The following RASGRF1 variants were observed in gnomAD, a reference collection of about 807,000 sequenced individuals.
RASGRF1 encodes the protein Ras protein specific guanine nucleotide releasing factor 1.
RASGRF1 carries 40 observed loss-of-function variants against 138.7 expected under a neutral mutation model. That is an observed-to-expected ratio of 0.29 (90% CI 0.22 to 0.38). The LOEUF is 0.38. Among genes scored for constraint, RASGRF1 ranks in the 10% least tolerant of loss-of-function variants. RASGRF1 has a pLI of 1.00. For missense variants in RASGRF1, 1,108 were observed against 1,650.4 expected (o/e 0.67, Z 5.69); for synonymous variants, 614 against 663.2 (o/e 0.93, Z 1.14).
In RASGRF1 at chr15:79,035,325, C is replaced by A. The variant is rs1165269294; in HGVS notation, c.879-115G>T. On this transcript the variant is annotated intron_variant, in intron 5 of 26. Coordinates refer to ENST00000558480, the MANE Select transcript of RASGRF1 (RefSeq NM_001145648.3). ...CAGCGAACCCTTTTCTCATGTGAGA[C>A]CTTAACGTGAAAACTGCACCGGCAG... The A allele has an allele frequency of 1.3e-5, 10 of 781,326 alleles. No individual in the cohort carries two copies. The South Asian group carries it at 1.9e-4, about 15-fold the overall frequency. 48.4% of individuals were successfully genotyped at this position (781,326 alleles called of 1,614,324 possible).
At chr15:78,988,271 C>T (rs1206343673) in intron 22 of RASGRF1, among the ~76,000 whole-genome samples, 1 of 152,208 alleles carries the variant, frequency 6.6e-6, no homozygotes, top group East Asian at 1.9e-4. Flanking sequence ...GGGGTGAACA[C>T]TCAGTGAATG....
At chr15:79,022,069 C>G (rs2056968843) in intron 10 of RASGRF1, among the ~76,000 whole-genome samples, 1 of 152,156 alleles carries the variant, frequency 6.6e-6, no homozygotes, top group African/African-American at 2.4e-5. Flanking sequence ...CTGAGGTCAC[C>G]TACTGGTGGG....
At chr15:79,054,139 G>A (rs2057475978) in intron 3 of RASGRF1, among the ~76,000 whole-genome samples, 1 of 152,334 alleles carries the variant, frequency 6.6e-6, no homozygotes, top group Non-Finnish European at 1.5e-5. Flanking sequence ...ATGGCCAATG[G>A]CCAATGGTAG....
At chr15:79,065,389 C>A (rs1374800452) in intron 1 of RASGRF1, among the ~76,000 whole-genome samples, 2 of 151,422 alleles carry the variant, frequency 1.3e-5, no homozygotes, top group East Asian at 1.9e-4. Context: ...GGGGAGGGGG[C>A]TGTACAGGGA....
chr15:78,964,204 C>T (rs1457868834), intron 26 of RASGRF1, among the ~76,000 whole-genome samples: 3 of 151,230 alleles, frequency 2.0e-5, no homozygotes, highest in Non-Finnish European at 4.4e-5. Context: ...GGGGGAATTT[C>T]ATTCTTGTCA....
At chr15:79,063,919 C>T (rs1441979198) in intron 2 of RASGRF1, among the ~76,000 whole-genome samples, 1 of 152,156 alleles carries the variant, frequency 6.6e-6, no homozygotes, top group Non-Finnish European at 1.5e-5. Flanking sequence ...CCCAGGGAGT[C>T]TCCCTACAGG....
intron 10 of RASGRF1, among the ~76,000 whole-genome samples, chr15:79,022,903 G>A (rs553935353): frequency 1.3e-5 from 2 of 152,270 alleles, no homozygotes; most frequent in African/African-American, 4.8e-5. Flanking sequence ...GGCCGGGCGC[G>A]GTGGCTCACG....
intron 24 of RASGRF1, among the ~76,000 whole-genome samples, chr15:78,975,512 TTTC>T (rs1363115363): frequency 7.4e-6 from 1 of 135,690 alleles, no homozygotes; most frequent in South Asian, 2.3e-4. Context: ...TTCCTTTCTT[TTTC>T]TTTTTTTTTT....
At chr15:79,043,019 T>A (rs1385890952) in intron 5 of RASGRF1, among the ~76,000 whole-genome samples, 2 of 152,162 alleles carry the variant, frequency 1.3e-5, no homozygotes, top group Non-Finnish European at 2.9e-5. Context: ...TCCTGACCCC[T>A]GGGGAAGGAA....
At chr15:79,021,310 A>G (rs2056957776) in intron 10 of RASGRF1, among the ~76,000 whole-genome samples, 2 of 152,224 alleles carry the variant, frequency 1.3e-5, no homozygotes, top group African/African-American at 4.8e-5. Context: ...CCATGTGACT[A>G]ATCTATATAT....
At chr15:79,083,904 G>C (rs1317902157) in intron 1 of RASGRF1, among the ~76,000 whole-genome samples, 1 of 152,132 alleles carries the variant, frequency 6.6e-6, no homozygotes, top group Admixed American at 6.5e-5. Flanking sequence ...CTCAATAAAT[G>C]GTATTTATTG....
At chr15:78,968,249 G>GGTGTGTGTGTGTGTGTGT in intron 26 of RASGRF1, among the ~76,000 whole-genome samples, 1 of 32,984 alleles carries the variant, frequency 3.0e-5, no homozygotes, top group East Asian at 4.8e-4. Flanking sequence ...TCATGACACT[G>GGTGTGTGTGTGTGTGTGT]ATGTGTGTGT....
chr15:78,961,963 G>T lies in RASGRF1; in HGVS notation c.*181C>A. ...AGGAGACGAGGGGAGGGATGGGTGG[G>T]CGAAGTCTGAAACGGTGCAGAAATT... On this transcript the variant is annotated 3_prime_UTR_variant, in exon 27 of 27. Transcript: ENST00000558480. The T allele has an allele frequency of 1.8e-6, 1 of 557,952 alleles. No individual in the cohort carries two copies. The highest frequency in any genetic ancestry group is 3.2e-6 in the Non-Finnish European group (1 of 314,654). The allele number at this position is 557,952 out of a possible 1,614,324, so 34.6% of individuals were successfully genotyped here.
Position 79,035,308 on chromosome 15 carries a change from C to A in RASGRF1, c.879-98G>T, listed in dbSNP as rs1328620997. ...CTCCTGCGTGACTTCAGCAGCGAACCCTTTTCTCATGTGAGACCTTAACGT... is the reference window on the plus strand; with the variant it reads ...CTCCTGCGTGACTTCAGCAGCGAACACTTTTCTCATGTGAGACCTTAACGT... On this transcript the variant is annotated intron_variant, in intron 5 of 26. Transcript: ENST00000558480. The A allele has an allele frequency of 6.3e-6, 6 of 947,018 alleles. No homozygotes were observed. The African/African-American group carries it at 8.3e-5, about 13-fold the overall frequency. 58.7% of individuals were successfully genotyped at this position (947,018 alleles called of 1,614,324 possible). A position where few individuals can be genotyped will look rare whatever the true frequency, so the allele number is the denominator to read the frequency against.
At chr15:79,005,778 T>G (rs1942886687) in intron 14 of RASGRF1, 1 of 382,120 alleles carries the variant, frequency 2.6e-6, no homozygotes, top group African/African-American at 2.2e-5. Flanking sequence ...TTTATTTTTC[T>G]TTCTCCCTCT....
intron 8 of RASGRF1, among the ~76,000 whole-genome samples, chr15:79,030,295 C>A (rs1170871828): frequency 6.6e-6 from 1 of 152,150 alleles, no homozygotes; most frequent in Admixed American, 6.5e-5. Flanking sequence ...CCAGGCCCTG[C>A]AGACTGACCT....
At chr15:79,020,964 C>T (rs1319606154) in intron 10 of RASGRF1, among the ~76,000 whole-genome samples, 1 of 152,218 alleles carries the variant, frequency 6.6e-6, no homozygotes, top group Non-Finnish European at 1.5e-5. Flanking sequence ...TCTCTTGCAT[C>T]ACCTGTTGTG....
chr15:79,031,038 G>A (rs866976302), intron 8 of RASGRF1, among the ~76,000 whole-genome samples: 12 of 152,336 alleles, frequency 7.9e-5, no homozygotes, highest in African/African-American at 2.6e-4. Flanking sequence ...CTGTCACCCA[G>A]GACCCCCTCT....
intron 13 of RASGRF1, among the ~76,000 whole-genome samples, chr15:79,013,476 G>A (rs192609072): frequency 2.4e-4 from 36 of 152,328 alleles, no homozygotes; most frequent in African/African-American, 8.4e-4. Flanking sequence ...GGTGGCGAGT[G>A]GAAACAAAGG....
Sources: allele counts gnomAD v4.1 joint callset (sites outside exome capture counted in the v4.1 genomes callset), GRCh38; gene constraint gnomAD v4.1.1; transcripts MANE v1.5; gene names NCBI Gene and HGNC (gene_info 2026-07-23, HGNC 2026-07-21).